IFT172: variants seen among roughly 807,000 people sequenced by gnomAD.
The protein encoded by IFT172 is intraflagellar transport 172.
Under a neutral mutation model 248.9 loss-of-function variants are expected in IFT172, and 164 were observed. The observed-to-expected ratio is 0.66, with a 90% CI of 0.58 to 0.75. The LOEUF is 0.75. IFT172 is among the 30% of genes least tolerant of loss of function. The pLI is 0.00. For synonymous variants in IFT172, 729 were observed against 791.6 expected, an observed-to-expected ratio of 0.92 and a Z score of 1.33; for missense variants, 1,950 against 2,192.4, an observed-to-expected ratio of 0.89 and a Z score of 2.21.
rs1490414152 is a variant in IFT172 at position 27,465,892 on chromosome 2, T to A, written c.1693-10A>T. 6.2e-7 allele frequency: 1 copy of A among 1,613,700 alleles called. No individual in the cohort carries two copies. Among genetic ancestry groups the A allele is most frequent in the Non-Finnish European group, 8.5e-7 (1 of 1,179,874 alleles). The stretch of plus-strand genomic sequence containing the variant: ...GACCTATAACATCACCCTGTAAAAG[T>A]TTATCCCCCAACCCACCCCAATTTC... On this transcript the variant is annotated splice_polypyrimidine_tract_variant and intron_variant, in intron 16 of 47. Coordinates refer to ENST00000260570, the MANE Select transcript of IFT172 (RefSeq NM_015662.3).
chr2:27,446,758 G>T (rs1375999006), intron 42 of IFT172, among the ~76,000 whole-genome samples: 1 of 138,354 alleles, frequency 7.2e-6, no homozygotes, highest in Admixed American at 8.1e-5. Flanking sequence ...GGACTGCAGT[G>T]GCGCAATCTC....
rs749516036 is a variant in IFT172, at chr2:27,481,076, C to T, written c.755G>A (p.Gly252Asp). The T allele has an allele frequency of 7.4e-6, 12 of 1,613,918 alleles. No individual in the cohort carries two copies. Among genetic ancestry groups the T allele is most frequent in the Non-Finnish European group, 1.0e-5 (12 of 1,179,882 alleles). The stretch of plus-strand genomic sequence containing the variant: ...ATAACTTCCTAGCACAACAGACTGG[C>T]CCCCAGGACTTGATACAGCTGTGGT... The part of the protein sequence containing the change: ...EFTTAVSSPG[G>D]QSVVLGSYDR... The change falls in exon 8 of 48, where the codon GGC (glycine) becomes GAC (aspartate). Residue 252 changes from glycine (G) to aspartate (D), a missense_variant. By Grantham distance (94) the Gly-to-Asp change is moderately conservative. Around this residue, in one of 3 missense-constraint regions of IFT172, gnomAD observed 1,166 missense variants for 1,254.1 expected, o/e 0.93. Coordinates refer to ENST00000260570, the MANE Select transcript of IFT172 (RefSeq NM_015662.3).
chr2:27,452,908 T>C (rs1316836913), intron 35 of IFT172, among the ~76,000 whole-genome samples: 1 of 152,244 alleles, frequency 6.6e-6, no homozygotes, highest in Non-Finnish European at 1.5e-5. Context: ...CTGGCCTGGC[T>C]TAATTTGCTG....
intron 1 of IFT172, among the ~76,000 whole-genome samples, chr2:27,488,960 T>G (rs1434629709): frequency 1.3e-5 from 2 of 152,246 alleles, no homozygotes; most frequent in East Asian, 3.8e-4. Context: ...GAAAATCCCT[T>G]GAACCCGGGA....
intron 1 of IFT172, among the ~76,000 whole-genome samples, chr2:27,489,153 A>T (rs11904646): frequency 0.01 from 1,546 of 152,344 alleles, 16 homozygotes; most frequent in African/African-American, 0.034. Context: ...CTAACTCCAA[A>T]GCCCACCCTT....
intron 14 of IFT172, chr2:27,475,690 T>G (rs923467377): frequency 6.6e-6 from 1 of 152,102 alleles, no homozygotes; most frequent in Non-Finnish European, 1.5e-5. Context: ...ATTTTGTAGA[T>G]GAGGAAATTG....
intron 1 of IFT172, 29 bp downstream of exon 1, chr2:27,489,585 AG>A: frequency 6.3e-7 from 1 of 1,580,422 alleles, no homozygotes; most frequent in South Asian, 1.1e-5. Context: ...ATAAAGCATA[AG>A]GGGGAGGGAC....
Position 27,454,407 on chromosome 2 carries a change from T to C in IFT172, c.3477A>G (p.Glu1159=), listed in dbSNP as rs776629857. Residue 1159 remains glutamate, a synonymous_variant, in exon 32 of 48, where the codon GAA becomes GAG. Coordinates refer to ENST00000260570, the MANE Select transcript of IFT172 (RefSeq NM_015662.3). The surrounding 1 kb of genome is among the most constrained non-coding windows in gnomAD (Gnocchi z 4.2). ...AMFLEDEGKF[E]EAEAEFIRAG... ...CTCTGATGAATTCAGCTTCAGCCTC[T>C]TCGAATTTACCCTACAGGGAGAGAA... 1 of 1,614,156 alleles carries C rather than the reference T, an allele frequency of 6.2e-7. No homozygotes were observed. Among genetic ancestry groups the C allele is most frequent in the Non-Finnish European group, 8.5e-7 (1 of 1,180,032 alleles).
intron 14 of IFT172, among the ~76,000 whole-genome samples, chr2:27,474,391 G>T (rs1667813177): frequency 6.6e-6 from 1 of 151,856 alleles, no homozygotes; most frequent in Non-Finnish European, 1.5e-5. Flanking sequence ...TTCAACAAAT[G>T]GTTAAACATA....
chr2:27,487,809 C>G (rs997531368), intron 1 of IFT172, among the ~76,000 whole-genome samples: 1 of 151,826 alleles, frequency 6.6e-6, no homozygotes, highest in African/African-American at 2.4e-5. Flanking sequence ...GGTGTCGAAC[C>G]CCTGACCTCG....
intron 11 of IFT172, 77 bp from the exon 12 acceptor site, chr2:27,477,689 T>C: frequency 9.4e-7 from 1 of 1,060,014 alleles, no homozygotes. Context: ...AATGACAGGT[T>C]GGGAAGTGGA....
At chr2:27,458,692 A>G (rs1666382139) in intron 26 of IFT172, 87 bp downstream of exon 26, 1 of 1,470,204 alleles carries the variant, frequency 6.8e-7, no homozygotes, top group South Asian at 1.3e-5. Context: ...CAGGGAGCCA[A>G]GCGAAGAGGA....
chr2:27,449,609 A>G (rs2148477967), intron 37 of IFT172, 47 bp from the exon 38 acceptor site: 2 of 1,613,142 alleles, frequency 1.2e-6, no homozygotes, highest in Non-Finnish European at 8.5e-7. Flanking sequence ...CAGAATACCA[A>G]CCCTCCCGGT....
rs1176587359 is a variant in IFT172 at position 27,453,630 on chromosome 2, C to A, written c.3821G>T (p.Arg1274Met). 1.9e-6 allele frequency: 3 copies of A among 1,610,800 alleles called. No individual in the cohort carries two copies. In the African/African-American group the frequency reaches 4.0e-5, roughly 22 times the overall value. Residue 1274 changes from arginine to methionine, a missense_variant and splice_region_variant, in exon 34 of 48, where the codon AGG (arginine) becomes ATG (methionine). Around this residue, in one of 3 missense-constraint regions of IFT172, gnomAD observed 620 missense variants for 699.0 expected, o/e 0.89. Coordinates refer to ENST00000260570, the MANE Select transcript of IFT172 (RefSeq NM_015662.3). ...GCTGCCTGGACCTCTGGCCTCATACCTGGCCCCCTTCTTAGTAGCTTCCCG... is the reference window on the plus strand; with the variant it reads ...GCTGCCTGGACCTCTGGCCTCATACATGGCCCCCTTCTTAGTAGCTTCCCG... ...YEREATKKGA[R>M]GVEGFVEQAR...
rs752920969 is a variant in IFT172, at chr2:27,457,858, G to A, written c.3094C>T (p.His1032Tyr). ...KHHPDLLSDT[H>Y]LHLGKELEAE... ...GGGCTCACCTTGCCCAGATGTAGGT[G>A]TGTATCACTGAGGAGATCTGGATGG... Residue 1032 changes from histidine (H) to tyrosine (Y), a missense_variant, in exon 28 of 48, where the codon CAC (histidine) becomes TAC (tyrosine). His to Tyr is a moderately conservative substitution (Grantham distance 83). Around this residue, in one of 3 missense-constraint regions of IFT172, gnomAD observed 164 missense variants for 239.3 expected, o/e 0.69. Coordinates refer to ENST00000260570, the MANE Select transcript of IFT172 (RefSeq NM_015662.3). 1.2e-6 allele frequency: 2 copies of A among 1,614,088 alleles called. No homozygotes were observed. Among genetic ancestry groups the A allele is most frequent in the Admixed American group, 1.7e-5 (1 of 60,012 alleles).
At position 27,481,231 on chromosome 2, in the gene IFT172, G is replaced by C; in HGVS notation, c.600C>G (p.Pro200=). 1.9e-6 allele frequency: 3 copies of C among 1,612,108 alleles called. No homozygotes were observed. Among genetic ancestry groups the C allele is most frequent in the Non-Finnish European group, 2.5e-6 (3 of 1,179,866 alleles). ...QGKLVNHPCP[P]YALAWATNSI... is the part of the protein sequence containing the mutation. ...TATTGGTTGCCCATGCCAAGGCATA[G>C]GGTGGACACGGGTGGTTAACCAACT... Residue 200 remains proline, a synonymous_variant, in exon 8 of 48, where the codon CCC becomes CCG. Coordinates refer to ENST00000260570, the MANE Select transcript of IFT172 (RefSeq NM_015662.3).
At position 27,461,762 on chromosome 2, in the gene IFT172, G is replaced by C. The variant is rs781352681; in HGVS notation, c.2190C>G (p.Ala730=). 6.2e-7 allele frequency: 1 copy of C among 1,614,120 alleles called. No individual in the cohort carries two copies. The highest frequency in any genetic ancestry group is 2.2e-5 in the East Asian group (1 of 44,876). The change falls in exon 21 of 48, where the codon GCC becomes GCG. Residue 730 remains alanine (A), a synonymous_variant. Coordinates refer to ENST00000260570, the MANE Select transcript of IFT172 (RefSeq NM_015662.3). ...GTGGAGAAGATAAAACAGGTACCTT[G>C]GCTTCAGCCACAGCGATACACTCAT... ...RWDECIAVAE[A]KGHPALEKLR...
chr2:27,463,060 G>A, intron 19 of IFT172, 37 bp downstream of exon 19: 7 of 1,601,594 alleles, frequency 4.4e-6, no homozygotes, highest in Non-Finnish European at 6.0e-6. Context: ...AATCAGCTTG[G>A]GAGACAGACA....
Position 27,478,144 on chromosome 2 carries a change from T to G in IFT172, c.1018A>C (p.Asn340His). ...YVGPSQVIVKNLSSGTRVVLK... is the reference protein window; with the variant it reads ...YVGPSQVIVKHLSSGTRVVLK... Reference sequence around the variant, plus strand: ...ACCACTCGGGTTCCTGATGACAGGTTCTTCACAATCACCTTGGTAAAGGAC... The same window carrying G: ...ACCACTCGGGTTCCTGATGACAGGTGCTTCACAATCACCTTGGTAAAGGAC... The change falls in exon 11 of 48, where the codon AAC becomes CAC. Residue 340 changes from asparagine to histidine, a missense_variant. By Grantham distance (68) the Asn-to-His change is moderately conservative. This residue lies in a region of IFT172 where 1,166 missense variants were observed against 1,254.1 expected (regional missense o/e 0.93). Transcript: ENST00000260570. 6.2e-7 allele frequency: 1 copy of G among 1,614,174 alleles called. No homozygotes were observed. Among genetic ancestry groups the G allele is most frequent in the Non-Finnish European group, 8.5e-7 (1 of 1,180,036 alleles).
Sources: allele counts gnomAD v4.1 joint callset (sites outside exome capture counted in the v4.1 genomes callset), GRCh38; gene constraint gnomAD v4.1.1; regional missense constraint gnomAD v4.1.1; non-coding constraint Gnocchi (gnomAD v3.1); transcripts MANE v1.5; gene names NCBI Gene and HGNC (gene_info 2026-07-23, HGNC 2026-07-21).